Variants in TANC2 observed in about 807,000 individuals in gnomAD.
The protein encoded by TANC2 is tetratricopeptide repeat, ankyrin repeat and coiled-coil containing 2, also known as protein TANC2.
A neutral mutation model predicts 210.5 loss-of-function variants in TANC2; 26 were observed. The observed-to-expected ratio is 0.12, with a 90% CI of 0.09 to 0.17. The LOEUF is 0.17. TANC2 is among the 10% of genes least tolerant of loss of function. The pLI, the probability that TANC2 is intolerant of heterozygous loss-of-function variation, is 1.00. For synonymous variants in TANC2, 931 were observed against 967.1 expected (o/e 0.96, Z 0.69); for missense variants, 2,129 against 2,608.9 (o/e 0.82, Z 4.01).
chr17:63,199,476 AG>A (rs1433565083), intron 6 of TANC2, among the ~76,000 whole-genome samples: 1 of 152,042 alleles, frequency 6.6e-6, no homozygotes, highest in Non-Finnish European at 1.5e-5. Context: ...AAAATTAGCC[AG>A]GCGTGATATT....
intron 2 of TANC2, among the ~76,000 whole-genome samples, chr17:63,016,260 T>C (rs1402189102): frequency 2.0e-5 from 3 of 152,198 alleles, no homozygotes; most frequent in East Asian, 3.8e-4. Context: ...AAAAAGTATT[T>C]TATAAAATGG....
chr17:63,004,448 G>C (rs1272152657), intron 1 of TANC2, among the ~76,000 whole-genome samples: 1 of 152,092 alleles, frequency 6.6e-6, no homozygotes, highest in East Asian at 1.9e-4. Context: ...CTTCTTCCTG[G>C]GAGCCAAGAG....
chr17:63,027,306 G>A (rs928662108), intron 2 of TANC2, among the ~76,000 whole-genome samples: 1 of 151,866 alleles, frequency 6.6e-6, no homozygotes, highest in African/African-American at 2.4e-5. Flanking sequence ...AGAGTGCAAC[G>A]AAGAAAAAGA....
intron 6 of TANC2, among the ~76,000 whole-genome samples, chr17:63,194,744 G>A (rs968502327): frequency 7.9e-5 from 12 of 151,620 alleles, no homozygotes; most frequent in Non-Finnish European, 1.3e-4. Flanking sequence ...TGGACTCAAA[G>A]GCTACTTAGA....
chr17:63,109,459 A>G (rs1324938264), intron 4 of TANC2, among the ~76,000 whole-genome samples: 4 of 151,714 alleles, frequency 2.6e-5, no homozygotes, highest in Non-Finnish European at 5.9e-5. Flanking sequence ...GAGATGGAAG[A>G]AAACTGCTGT....
At chr17:63,183,199 A>T (rs1217499066) in intron 5 of TANC2, among the ~76,000 whole-genome samples, 1 of 152,356 alleles carries the variant, frequency 6.6e-6, no homozygotes, top group East Asian at 1.9e-4. Context: ...ACCAGCATGG[A>T]TCTGCTTTTC....
chr17:63,104,097 A>C (rs1407863595), intron 4 of TANC2, among the ~76,000 whole-genome samples: 1 of 152,182 alleles, frequency 6.6e-6, no homozygotes, highest in Non-Finnish European at 1.5e-5. Flanking sequence ...TATTGTTTCA[A>C]GTAATAAAAG....
intron 6 of TANC2, among the ~76,000 whole-genome samples, chr17:63,194,537 A>G (rs569647929): frequency 2.0e-5 from 3 of 152,360 alleles, no homozygotes; most frequent in Non-Finnish European, 2.9e-5. Flanking sequence ...GAATTTATCA[A>G]TTACAAAATG....
intron 2 of TANC2, among the ~76,000 whole-genome samples, chr17:63,031,814 ATT>A (rs2034780622): frequency 6.6e-6 from 1 of 152,200 alleles, no homozygotes; most frequent in Non-Finnish European, 1.5e-5. Context: ...TATGAGAAGT[ATT>A]GTGATGAACC....
intron 2 of TANC2, among the ~76,000 whole-genome samples, chr17:63,036,133 T>G (rs1048371124): frequency 6.6e-6 from 1 of 152,182 alleles, no homozygotes; most frequent in Admixed American, 6.6e-5. Flanking sequence ...TTTATTCTCT[T>G]AACAGTGTTT....
intron 9 of TANC2, among the ~76,000 whole-genome samples, chr17:63,272,697 A>T (rs1274068007): frequency 1.3e-5 from 2 of 152,086 alleles, no homozygotes; most frequent in African/African-American, 4.8e-5. Flanking sequence ...ATTCCTAGGT[A>T]TTTTATTCTG....
intron 2 of TANC2, among the ~76,000 whole-genome samples, chr17:63,064,000 A>G (rs1370077849): frequency 6.6e-6 from 1 of 152,162 alleles, no homozygotes; most frequent in South Asian, 2.1e-4. Flanking sequence ...TCTTCAATAT[A>G]TATATGGACA....
chr17:63,151,178 T>C, intron 4 of TANC2, 92 bp from the exon 5 acceptor site: 1 of 546,326 alleles, frequency 1.8e-6, no homozygotes, highest in Non-Finnish European at 2.3e-6. Context: ...CCCTTTTTCC[T>C]TCTCTTTCCC....
At chr17:63,343,242 G>C (rs993220951) in intron 12 of TANC2, among the ~76,000 whole-genome samples, 1 of 152,176 alleles carries the variant, frequency 6.6e-6, no homozygotes, top group Non-Finnish European at 1.5e-5. Context: ...GACACAGATT[G>C]AAAGTAAAAG....
chr17:62,975,021 T>C (rs919580249), intron 1 of TANC2, among the ~76,000 whole-genome samples: 5 of 152,180 alleles, frequency 3.3e-5, no homozygotes, highest in Admixed American at 1.3e-4. Context: ...ATTGACAACA[T>C]TAAGAAATAT....
intron 4 of TANC2, among the ~76,000 whole-genome samples, chr17:63,102,780 G>A (rs903495608): frequency 4.6e-5 from 7 of 151,998 alleles, no homozygotes; most frequent in Non-Finnish European, 8.8e-5. Flanking sequence ...AGGGACTAGA[G>A]TATCACATAT....
At chr17:63,135,014 C>T (rs1204399735) in intron 4 of TANC2, among the ~76,000 whole-genome samples, 1 of 152,038 alleles carries the variant, frequency 6.6e-6, no homozygotes, top group Non-Finnish European at 1.5e-5. Flanking sequence ...GCCAGGAGTT[C>T]GAGACCAGCC....
At chr17:63,147,614 G>A (rs1050606109) in intron 4 of TANC2, among the ~76,000 whole-genome samples, 1 of 152,152 alleles carries the variant, frequency 6.6e-6, no homozygotes, top group Admixed American at 6.6e-5. Context: ...CTGGGGTGAG[G>A]CCTGATCATT....
At chr17:63,410,645 T>C (rs1441341837) in intron 21 of TANC2, among the ~76,000 whole-genome samples, 1 of 151,908 alleles carries the variant, frequency 6.6e-6, no homozygotes, top group East Asian at 1.9e-4. Context: ...GTGGATCACT[T>C]GAGGTCAGGA....
Sources: gnomAD v4.1 joint callset for allele counts (sites outside exome capture counted in the v4.1 genomes callset) on GRCh38, gnomAD v4.1.1 for gene constraint, MANE v1.5 for transcripts, NCBI Gene and HGNC (gene_info 2026-07-23, HGNC 2026-07-21) for gene names.